DESI2: variants seen among roughly 807,000 people sequenced by gnomAD.
DESI2 encodes the protein desumoylating isopeptidase 2.
A neutral mutation model predicts 24.1 loss-of-function variants in DESI2; 10 were observed. That is an observed-to-expected ratio of 0.41 (90% CI 0.26 to 0.70). DESI2 has a LOEUF of 0.70. Among genes scored for constraint, DESI2 ranks in the 30% least tolerant of loss-of-function variants. The pLI is 0.29. For synonymous variants in DESI2, 71 were observed against 87.7 expected (o/e 0.81, Z 1.06); for missense variants, 122 against 234.9 (o/e 0.52, Z 3.14).
chr1:244,663,424 C>T (rs1675923025), intron 1 of DESI2, among the ~76,000 whole-genome samples: 1 of 151,976 alleles, frequency 6.6e-6, no homozygotes, highest in South Asian at 2.1e-4. Context: ...GATCCGCCCA[C>T]CTCAGCCTCC....
chr1:244,699,578 CAAAAAAAAAAAAAAAA>C lies in DESI2; in HGVS notation c.352-5955_352-5940del, dbSNP rs559295405. On this transcript the variant is annotated intron_variant, in intron 4 of 4. Coordinates refer to ENST00000302550, the MANE Select transcript of DESI2 (RefSeq NM_016076.5). ...GCCTAGCAACAGAGTGAGACTGTCT[CAAAAAAAAAAAAAAAA>C]AAAAAAAAAAAAAAAAAAAAAATTC... 7.4e-3 allele frequency among the ~76,000 whole-genome samples: 489 copies of C among 66,202 alleles called. 2 individuals carry two copies. Among genetic ancestry groups the C allele is most frequent in the African/African-American group, 0.015 (282 of 19,282 alleles). 43.4% of individuals were successfully genotyped at this position (66,202 alleles called of 152,430 possible).
At chr1:244,663,792 A>G (rs111782943) in intron 1 of DESI2, among the ~76,000 whole-genome samples, 51 of 151,494 alleles carry the variant, frequency 3.4e-4, no homozygotes, top group South Asian at 8.4e-4. Flanking sequence ...GCCAAGGTGG[A>G]CGGATCATGA....
intron 1 of DESI2, among the ~76,000 whole-genome samples, chr1:244,682,082 T>C (rs1676635261): frequency 6.6e-6 from 1 of 152,160 alleles, no homozygotes; most frequent in Non-Finnish European, 1.5e-5. Flanking sequence ...TTACAGCTCA[T>C]AAAGGTAGTG....
chr1:244,705,645 G>T lies in DESI2; in HGVS notation c.441G>T (p.Lys147Asn). The T allele has an allele frequency of 3.7e-6, 6 of 1,614,180 alleles. No homozygotes were observed. Among genetic ancestry groups the T allele is most frequent in the Non-Finnish European group, 5.1e-6 (6 of 1,180,026 alleles). ...CCTTTCTACAGAGTTGCCTCCCGAA[G>T]GAGTGGCTCACGCCCGCAGCCCTGC... ...CIPFLQSCLP[K>N]EWLTPAALQS... is the part of the protein sequence containing the mutation. Residue 147 changes from lysine to asparagine, a missense_variant, in exon 5 of 5, where the codon AAG becomes AAT. Physicochemically the swap from Lys to Asn is moderately conservative, Grantham distance 94 (BLOSUM62 0). Around this residue, in one of 6 missense-constraint regions of DESI2, gnomAD observed 56 missense variants for 67.9 expected, o/e 0.82. Coordinates refer to ENST00000302550, the MANE Select transcript of DESI2 (RefSeq NM_016076.5).
chr1:244,655,407 A>G lies in DESI2; in HGVS notation c.42+2052A>G, dbSNP rs1200072184. Among the ~76,000 whole-genome samples, 4 of 152,264 alleles carry G rather than the reference A, an allele frequency of 2.6e-5. No homozygotes were observed. In the East Asian group the frequency reaches 7.7e-4, roughly 29 times the overall value. ...GTTTATCGGAATGATAAATAGTTGA[A>G]TTATTAGACTTTTAATAAACTTGGT... is the stretch of plus-strand genomic sequence containing the variant. On this transcript the variant is annotated intron_variant, in intron 1 of 4. Transcript: ENST00000302550.
rs1223216927 is a variant in DESI2, at chr1:244,708,086, C to T, written c.*2297C>T. On this transcript the variant is annotated 3_prime_UTR_variant, in exon 5 of 5. Coordinates refer to ENST00000302550, the MANE Select transcript of DESI2 (RefSeq NM_016076.5). Reference sequence around the variant, plus strand: ...ATTGAGAATGGATTTAATTAACTAGCATTTAGCCAGCTTTTTCTTGCCCTT... The same window carrying T: ...ATTGAGAATGGATTTAATTAACTAGTATTTAGCCAGCTTTTTCTTGCCCTT... The T allele has an allele frequency of 6.6e-6, 1 of 152,194 alleles. No homozygotes were observed. The highest frequency in any genetic ancestry group is 1.5e-5 in the Non-Finnish European group (1 of 68,038). The allele number at this position is 152,194 out of a possible 1,614,324, so 9.4% of individuals were successfully genotyped here.
intron 4 of DESI2, among the ~76,000 whole-genome samples, chr1:244,698,561 T>C (rs77694755): frequency 0.053 from 8,132 of 152,312 alleles, 278 homozygotes; most frequent in Non-Finnish European, 0.081. Context: ...GAAAAGTCTC[T>C]GGCATATTTT....
intron 2 of DESI2, among the ~76,000 whole-genome samples, chr1:244,688,312 T>A (rs1676892577): frequency 6.6e-6 from 1 of 152,206 alleles, no homozygotes; most frequent in Non-Finnish European, 1.5e-5. Context: ...TTTTGTAAAA[T>A]TTTGTCACTA....
chr1:244,661,899 A>T (rs1394562547), intron 1 of DESI2, among the ~76,000 whole-genome samples: 2 of 152,170 alleles, frequency 1.3e-5, no homozygotes, highest in African/African-American at 4.8e-5. Flanking sequence ...TAGCAGCATG[A>T]TTTATAATCC....
chr1:244,666,117 A>G (rs776990672), intron 1 of DESI2, among the ~76,000 whole-genome samples: 6 of 152,180 alleles, frequency 3.9e-5, no homozygotes, highest in East Asian at 1.9e-4. Context: ...GACAACTACA[A>G]TATGTCATAC....
At chr1:244,695,826 GGT>G (rs1342361927) in intron 4 of DESI2, among the ~76,000 whole-genome samples, 2 of 152,144 alleles carry the variant, frequency 1.3e-5, no homozygotes, top group African/African-American at 2.4e-5. Context: ...CCCCGGCTGG[GGT>G]GCAGTAATGT....
chr1:244,667,721 T>C (rs1446041181), intron 1 of DESI2, among the ~76,000 whole-genome samples: 1 of 152,188 alleles, frequency 6.6e-6, no homozygotes, highest in Non-Finnish European at 1.5e-5. Context: ...TCCTCAGTCC[T>C]AACTTTTCTT....
intron 1 of DESI2, among the ~76,000 whole-genome samples, chr1:244,670,157 A>T (rs2261495): frequency 0.72 from 109,434 of 151,790 alleles, 39,802 homozygotes; most frequent in Non-Finnish European, 0.77. Context: ...GGGTTTCATC[A>T]TATTGGTCAG....
intron 1 of DESI2, among the ~76,000 whole-genome samples, chr1:244,677,724 G>A (rs547949678): frequency 7.0e-4 from 106 of 152,204 alleles, no homozygotes; most frequent in African/African-American, 2.5e-3. Context: ...AGACAAGCTT[G>A]GGCAACATAG....
At chr1:244,666,115 C>A (rs1676035282) in intron 1 of DESI2, among the ~76,000 whole-genome samples, 1 of 152,146 alleles carries the variant, frequency 6.6e-6, no homozygotes. Flanking sequence ...GAGACAACTA[C>A]AATATGTCAT....
intron 1 of DESI2, among the ~76,000 whole-genome samples, chr1:244,659,307 A>G (rs1032885623): frequency 1.3e-5 from 2 of 152,200 alleles, no homozygotes; most frequent in African/African-American, 4.8e-5. Context: ...GTAGTTTAAA[A>G]CAACACAAAT....
chr1:244,657,531 T>A (rs76945862), intron 1 of DESI2, among the ~76,000 whole-genome samples: 2,209 of 152,282 alleles, frequency 0.015, 56 homozygotes, highest in African/African-American at 0.051. Context: ...CCTGTCTCTT[T>A]GTTTTAGTTT....
intron 4 of DESI2, among the ~76,000 whole-genome samples, chr1:244,696,644 A>T (rs1677227010): frequency 6.6e-6 from 1 of 152,180 alleles, no homozygotes; most frequent in Non-Finnish European, 1.5e-5. Flanking sequence ...CTTGTTTTCA[A>T]AAAACAAGTT....
intron 1 of DESI2, among the ~76,000 whole-genome samples, chr1:244,676,513 ACTT>A (rs1199788251): frequency 1.3e-5 from 2 of 151,938 alleles, no homozygotes; most frequent in African/African-American, 2.4e-5. Flanking sequence ...AGATAATTTT[ACTT>A]CTTTTTTTCC....
Sources: gnomAD v4.1 joint callset for allele counts (sites outside exome capture counted in the v4.1 genomes callset) on GRCh38, gnomAD v4.1.1 for gene constraint, gnomAD v4.1.1 regional missense constraint, MANE v1.5 for transcripts, NCBI Gene and HGNC (gene_info 2026-07-23, HGNC 2026-07-21) for gene names.